The following FARS2 variants were observed in gnomAD, a reference collection of about 807,000 sequenced individuals.
FARS2 encodes the protein phenylalanyl-tRNA synthetase 2, mitochondrial.
Under a neutral mutation model 46.4 loss-of-function variants are expected in FARS2, and 40 were observed. That is an observed-to-expected ratio of 0.86 (90% CI 0.67 to 1.12). The LOEUF (loss-of-function observed/expected upper bound fraction) is 1.12. FARS2 is among the 50% of genes most tolerant of loss of function. The pLI is 0.00. For missense variants in FARS2, 513 were observed against 567.9 expected, an observed-to-expected ratio of 0.90 and a Z score of 0.98; for synonymous variants, 234 against 214.9, an observed-to-expected ratio of 1.09 and a Z score of -0.78.
intron 6 of FARS2, among the ~76,000 whole-genome samples, chr6:5,624,362 C>CTGCA (rs1775927029): frequency 6.6e-6 from 1 of 152,110 alleles, no homozygotes; most frequent in Admixed American, 6.5e-5. Flanking sequence ...CCTTGTTGCC[C>CTGCA]TGCACATCAC....
At chr6:5,582,144 C>T in intron 5 of FARS2, among the ~76,000 whole-genome samples, 1 of 131,042 alleles carries the variant, frequency 7.6e-6, no homozygotes, top group Non-Finnish European at 1.6e-5. Context: ...CGGTTAATTC[C>T]TGATGTGCTT....
intron 6 of FARS2, among the ~76,000 whole-genome samples, chr6:5,674,378 G>T (rs1190118289): frequency 6.6e-6 from 1 of 151,928 alleles, no homozygotes; most frequent in Non-Finnish European, 1.5e-5. Flanking sequence ...TTAACTTCCT[G>T]TCGAGGATGT....
At chr6:5,731,388 C>T (rs1760613869) in intron 6 of FARS2, among the ~76,000 whole-genome samples, 1 of 152,118 alleles carries the variant, frequency 6.6e-6, no homozygotes, top group African/African-American at 2.4e-5. Flanking sequence ...GTGAGGCTGT[C>T]TCCTTGGTCC....
chr6:5,735,760 T>C (rs1428345728), intron 6 of FARS2, among the ~76,000 whole-genome samples: 3 of 152,196 alleles, frequency 2.0e-5, no homozygotes, highest in African/African-American at 4.8e-5. Context: ...TCAAATTCAC[T>C]GTTTGGGAGC....
At chr6:5,574,289 TA>T (rs1772830852) in intron 5 of FARS2, among the ~76,000 whole-genome samples, 1 of 152,098 alleles carries the variant, frequency 6.6e-6, no homozygotes, top group Non-Finnish European at 1.5e-5. Flanking sequence ...CACACCCAGC[TA>T]ATTTTTTGTA....
At chr6:5,560,667 A>G (rs1771932747) in intron 5 of FARS2, among the ~76,000 whole-genome samples, 1 of 152,156 alleles carries the variant, frequency 6.6e-6, no homozygotes, top group South Asian at 2.1e-4. Context: ...GTTTGATCCA[A>G]TTTACTAGTG....
At chr6:5,319,062 G>A (rs1167799311) in intron 1 of FARS2, among the ~76,000 whole-genome samples, 2 of 152,130 alleles carry the variant, frequency 1.3e-5, no homozygotes, top group East Asian at 1.9e-4. Flanking sequence ...GTTAGGAGGG[G>A]TTGTGAGAGT....
In FARS2 at chr6:5,613,306, G is replaced by C; in HGVS notation, c.1203G>C (p.Lys401Asn). The part of the protein sequence containing the change: ...DLVEKVDLID[K>N]FVHPKTHKTS... ...TGGAAAAGGTTGATCTCATAGACAAGTTTGTACATCCAAAGTAAGTGAAAA... is the reference window on the plus strand; with the variant it reads ...TGGAAAAGGTTGATCTCATAGACAACTTTGTACATCCAAAGTAAGTGAAAA... Residue 401 changes from lysine (K) to asparagine (N), a missense_variant, in exon 6 of 7, where the codon AAG becomes AAC. Physicochemically the swap from Lys to Asn is moderately conservative, Grantham distance 94. Transcript: ENST00000274680. 1 of 1,612,714 alleles carries C rather than the reference G, an allele frequency of 6.2e-7. No homozygotes were observed. Among genetic ancestry groups the C allele is most frequent in the Non-Finnish European group, 8.5e-7 (1 of 1,179,496 alleles).
intron 4 of FARS2, among the ~76,000 whole-genome samples, chr6:5,441,988 C>T (rs1763868019): frequency 6.6e-6 from 1 of 152,080 alleles, no homozygotes; most frequent in South Asian, 2.1e-4. Flanking sequence ...TAGTCCTAGC[C>T]TAGAGGCTGA....
intron 5 of FARS2, among the ~76,000 whole-genome samples, chr6:5,595,393 G>A (rs535654694): frequency 3.9e-5 from 6 of 152,214 alleles, no homozygotes; most frequent in South Asian, 4.1e-4. Flanking sequence ...CGCTTCTGTC[G>A]GCATTCTCTG....
In FARS2 at chr6:5,607,649, G is replaced by A. The variant is rs544817510; in HGVS notation, c.1066-5520G>A. On this transcript the variant is annotated intron_variant, in intron 5 of 6. Coordinates refer to ENST00000274680, the MANE Select transcript of FARS2 (RefSeq NM_006567.5). ...CTGATGTTTTAGTCTCCACAGAATT[G>A]CCACAACATCTCATTGGTGAAACTG... 5.9e-5 allele frequency among the ~76,000 whole-genome samples: 9 copies of A among 152,206 alleles called. No individual in the cohort carries two copies. In the East Asian group the frequency reaches 1.7e-3, roughly 29 times the overall value.
intron 6 of FARS2, among the ~76,000 whole-genome samples, chr6:5,650,700 A>G (rs560394978): frequency 9.9e-5 from 15 of 151,946 alleles, no homozygotes; most frequent in Non-Finnish European, 2.2e-4. Flanking sequence ...GATGGTCTCG[A>G]TCTCCTCACC....
chr6:5,298,741 T>A (rs1768070453), intron 1 of FARS2, among the ~76,000 whole-genome samples: 1 of 152,142 alleles, frequency 6.6e-6, no homozygotes, highest in South Asian at 2.1e-4. Context: ...TACCTTGTTC[T>A]TTGGGCTTTA....
intron 6 of FARS2, among the ~76,000 whole-genome samples, chr6:5,711,603 C>A (rs1324458712): frequency 6.6e-6 from 1 of 151,746 alleles, no homozygotes; most frequent in African/African-American, 2.4e-5. Flanking sequence ...CGATCTTCCA[C>A]AAAAAAGAAT....
At chr6:5,549,076 G>C (rs1175940390) in intron 5 of FARS2, among the ~76,000 whole-genome samples, 1 of 151,952 alleles carries the variant, frequency 6.6e-6, no homozygotes, top group Admixed American at 6.6e-5. Flanking sequence ...AGTTCTAGAG[G>C]TCAGAAAACC....
intron 4 of FARS2, among the ~76,000 whole-genome samples, chr6:5,459,183 A>C (rs1765089155): frequency 6.6e-6 from 1 of 152,196 alleles, no homozygotes; most frequent in African/African-American, 2.4e-5. Flanking sequence ...TACTTCTAAG[A>C]AAAACAAATT....
rs568491325 is a variant in FARS2, at chr6:5,430,922, G to T, written c.773-119G>T. On this transcript the variant is annotated intron_variant, in intron 3 of 6. Coordinates refer to ENST00000274680, the MANE Select transcript of FARS2 (RefSeq NM_006567.5). ...TAACATGTTGCAAATTAGTTTATTT[G>T]CTATTTATTTTACTCAGAATGTAGT... 1.2e-5 allele frequency: 12 copies of T among 991,756 alleles called. No homozygotes were observed. In the East Asian group the frequency reaches 3.0e-4, roughly 25 times the overall value. The allele number at this position is 991,756 out of a possible 1,614,324, so 61.4% of individuals were successfully genotyped here.
upstream of FARS2, among the ~76,000 whole-genome samples, chr6:5,259,168 C>G (rs1288238470): frequency 6.6e-6 from 1 of 152,210 alleles, no homozygotes; most frequent in East Asian, 1.9e-4. Flanking sequence ...AGTGTGTGAA[C>G]TGCCTGCTGA....
chr6:5,759,423 A>G (rs1229740411), intron 6 of FARS2, among the ~76,000 whole-genome samples: 1 of 152,110 alleles, frequency 6.6e-6, no homozygotes, highest in Non-Finnish European at 1.5e-5. Context: ...TGTGGAATCT[A>G]CAAGTCATGT....
Sources: gnomAD v4.1 joint callset for allele counts (sites outside exome capture counted in the v4.1 genomes callset) on GRCh38, gnomAD v4.1.1 for gene constraint, MANE v1.5 for transcripts, NCBI Gene and HGNC (gene_info 2026-07-23, HGNC 2026-07-21) for gene names.